The following ATP11B variants were observed in gnomAD, a reference collection of about 807,000 sequenced individuals.
ATP11B encodes the protein ATPase phospholipid transporting 11B (putative).
A neutral mutation model predicts 157.8 loss-of-function variants in ATP11B; 81 were observed. The observed-to-expected ratio is 0.51, with a 90% CI of 0.43 to 0.62. The LOEUF (loss-of-function observed/expected upper bound fraction) is 0.62, where lower values mean the gene tolerates loss of function less well. ATP11B is among the 20% of genes least tolerant of loss of function. The pLI, the probability that ATP11B is intolerant of heterozygous loss-of-function variation, is 0.00. For synonymous variants in ATP11B, 451 were observed against 469.4 expected, an observed-to-expected ratio of 0.96 and a Z score of 0.51; for missense variants, 1,165 against 1,402.2, an observed-to-expected ratio of 0.83 and a Z score of 2.70.
At chr3:182,886,854 A>G (rs2108566885) in intron 23 of ATP11B, among the ~76,000 whole-genome samples, 1 of 152,270 alleles carries the variant, frequency 6.6e-6, no homozygotes, top group East Asian at 1.9e-4. Flanking sequence ...CCTGTTTACA[A>G]CCTGTAACTC....
intron 15 of ATP11B, 136 bp from the exon 16 acceptor site, chr3:182,868,942 C>CT (rs1170938040): frequency 5.2e-6 from 3 of 578,504 alleles, no homozygotes; most frequent in African/African-American, 1.9e-5. Context: ...GGCATGTAAC[C>CT]TATCATCATG....
At chr3:182,869,006 A>G in intron 15 of ATP11B, 72 bp from the exon 16 acceptor site, 1 of 925,822 alleles carries the variant, frequency 1.1e-6, no homozygotes, top group Non-Finnish European at 1.6e-6. Flanking sequence ...TATATGGATT[A>G]TTTCCATATA....
chr3:182,917,411 C>A, intron 29 of ATP11B: 1 of 985,296 alleles, frequency 1.0e-6, no homozygotes, highest in South Asian at 4.7e-5. Context: ...TAATGACTTG[C>A]TTTAGGGCCT....
intron 2 of ATP11B, among the ~76,000 whole-genome samples, chr3:182,824,007 C>G (rs1717553199): frequency 6.6e-6 from 1 of 151,976 alleles, no homozygotes; most frequent in Admixed American, 6.6e-5. Flanking sequence ...TCCTCACCCC[C>G]CAGGCACTAG....
chr3:182,830,768 A>G (rs1253481528), intron 4 of ATP11B, among the ~76,000 whole-genome samples: 1 of 152,216 alleles, frequency 6.6e-6, no homozygotes, highest in Admixed American at 6.5e-5. Context: ...CAATTAGATT[A>G]TGCATCTACA....
intron 1 of ATP11B, among the ~76,000 whole-genome samples, chr3:182,818,786 G>A (rs770507157): frequency 1.9e-4 from 29 of 151,982 alleles, no homozygotes; most frequent in Admixed American, 3.3e-4. Context: ...AATTACTTAC[G>A]TAGTAGGTTA....
chr3:182,852,356 A>G (rs1720045598), intron 10 of ATP11B, among the ~76,000 whole-genome samples: 1 of 152,222 alleles, frequency 6.6e-6, no homozygotes, highest in African/African-American at 2.4e-5. Context: ...GTATAAGAGA[A>G]AAAAACTAAA....
At chr3:182,811,132 T>G (rs1404816791) in intron 1 of ATP11B, among the ~76,000 whole-genome samples, 1 of 152,198 alleles carries the variant, frequency 6.6e-6, no homozygotes, top group African/African-American at 2.4e-5. Flanking sequence ...GGCTCTAAAA[T>G]ATACTGCTAA....
chr3:182,874,492 CT>C (rs1721890004), intron 19 of ATP11B, among the ~76,000 whole-genome samples: 1 of 149,938 alleles, frequency 6.7e-6, no homozygotes, highest in South Asian at 2.1e-4. Context: ...GAAAAGTGGA[CT>C]TTTAACATTA....
At chr3:182,841,035 C>T (rs1718972253) in intron 7 of ATP11B, among the ~76,000 whole-genome samples, 1 of 152,012 alleles carries the variant, frequency 6.6e-6, no homozygotes, top group Non-Finnish European at 1.5e-5. Context: ...GTCCTTCCAC[C>T]TCTAGCTCAT....
In ATP11B at chr3:182,919,428, TCC is replaced by T. The variant is rs1299160451; in HGVS notation, c.*1325_*1326del. ...ATTGCACTTCAAAACCTAACTTCCATCCTGAATTTATCAAGTAGTTCAGTATT... is the reference window on the plus strand; with the variant it reads ...ATTGCACTTCAAAACCTAACTTCCATTGAATTTATCAAGTAGTTCAGTATT... On this transcript the variant is annotated 3_prime_UTR_variant, in exon 30 of 30. Coordinates refer to ENST00000323116, the MANE Select transcript of ATP11B (RefSeq NM_014616.3). The T allele has an allele frequency of 6.6e-6, 1 of 152,658 alleles. No homozygotes were observed. Among genetic ancestry groups the T allele is most frequent in the Non-Finnish European group, 1.5e-5 (1 of 68,028 alleles). The allele number at this position is 152,658 out of a possible 1,614,324, so 9.5% of individuals were successfully genotyped here.
At chr3:182,836,277 C>G in intron 5 of ATP11B, 65 bp from the exon 6 acceptor site, 1 of 1,596,362 alleles carries the variant, frequency 6.3e-7, no homozygotes, top group Non-Finnish European at 8.6e-7. Flanking sequence ...TCTTTAGAGC[C>G]CAATAAAAGT....
At chr3:182,824,835 T>G (rs541287101) in intron 2 of ATP11B, among the ~76,000 whole-genome samples, 1 of 152,238 alleles carries the variant, frequency 6.6e-6, no homozygotes, top group East Asian at 1.9e-4. Context: ...TGTTGAACTT[T>G]CCTACCACTG....
intron 17 of ATP11B, among the ~76,000 whole-genome samples, chr3:182,871,680 CTCTT>C (rs1721665487): frequency 6.6e-6 from 1 of 152,180 alleles, no homozygotes; most frequent in African/African-American, 2.4e-5. Flanking sequence ...CTGTCTCTCT[CTCTT>C]GACAGTCTTG....
chr3:182,884,094 AT>A (rs1365867653), intron 21 of ATP11B, among the ~76,000 whole-genome samples: 1 of 151,976 alleles, frequency 6.6e-6, no homozygotes, highest in African/African-American at 2.4e-5. Flanking sequence ...TTGAAAAATA[AT>A]TTTTTTAAGT....
chr3:182,889,232 TATG>T (rs1723006792), intron 24 of ATP11B, among the ~76,000 whole-genome samples, 175 bp from the exon 25 acceptor site: 1 of 152,224 alleles, frequency 6.6e-6, no homozygotes, highest in African/African-American at 2.4e-5. Context: ...TAAACAGATG[TATG>T]ATATTATAAG....
chr3:182,870,745 T>C (rs1167045496), intron 17 of ATP11B, among the ~76,000 whole-genome samples: 1 of 149,596 alleles, frequency 6.7e-6, no homozygotes. Context: ...AGGCCGAGGC[T>C]AGCAGATCAC....
At chr3:182,850,976 T>C (rs144800446) in intron 10 of ATP11B, among the ~76,000 whole-genome samples, 1 of 152,166 alleles carries the variant, frequency 6.6e-6, no homozygotes, top group African/African-American at 2.4e-5. Flanking sequence ...TAACTGAAGA[T>C]CATTATGTTA....
At chr3:182,814,104 C>T (rs574273123) in intron 1 of ATP11B, among the ~76,000 whole-genome samples, 1 of 151,764 alleles carries the variant, frequency 6.6e-6, no homozygotes, top group South Asian at 2.1e-4. Flanking sequence ...CTCTTGTCAC[C>T]CAGGCTGAAG....
Sources: allele counts gnomAD v4.1 joint callset (sites outside exome capture counted in the v4.1 genomes callset), GRCh38; gene constraint gnomAD v4.1.1; transcripts MANE v1.5; gene names NCBI Gene and HGNC (gene_info 2026-07-23, HGNC 2026-07-21).